STPG2: variants seen among roughly 807,000 people sequenced by gnomAD.
STPG2 encodes sperm-tail PG-rich repeat-containing protein 2.
Under a neutral mutation model 54.2 loss-of-function variants are expected in STPG2, and 56 were observed. The observed-to-expected ratio is 1.03, with a 90% confidence interval of 0.83 to 1.29. STPG2 has a LOEUF of 1.29. Ranked by LOEUF, STPG2 falls within the 50% of genes most tolerant of loss-of-function variation. The pLI is 0.00. For missense variants in STPG2, 596 were observed against 544.9 expected (o/e 1.09, Z -0.93); for synonymous variants, 200 against 181.8 (o/e 1.10, Z -0.81).
chr4:97,995,638 T>C (rs910423185), intron 5 of STPG2, among the ~76,000 whole-genome samples: 4 of 151,986 alleles, frequency 2.6e-5, no homozygotes, highest in African/African-American at 9.7e-5. Context: ...GGGAAGGCAC[T>C]AAAAATGAAC....
chr4:97,902,920 T>C (rs548417478), intron 8 of STPG2, among the ~76,000 whole-genome samples: 32 of 152,164 alleles, frequency 2.1e-4, no homozygotes, highest in Middle Eastern at 3.4e-3. Context: ...GATGAACAGA[T>C]AGAGAAAATG....
chr4:97,801,672 C>T (rs1185838273), intron 9 of STPG2, among the ~76,000 whole-genome samples: 1 of 152,090 alleles, frequency 6.6e-6, no homozygotes, highest in East Asian at 1.9e-4. Context: ...CTTTCTTCTT[C>T]CCCATAATAT....
chr4:97,548,195 ACTC>A (rs960576658), intron 4 of STPG2, among the ~76,000 whole-genome samples: 1 of 151,894 alleles, frequency 6.6e-6, no homozygotes, highest in Non-Finnish European at 1.5e-5. Context: ...GTCTGCACAG[ACTC>A]CTCGTGAAAA....
At chr4:97,849,455 A>C (rs1031360360) in intron 8 of STPG2, among the ~76,000 whole-genome samples, 6 of 152,074 alleles carry the variant, frequency 3.9e-5, no homozygotes, top group Non-Finnish European at 8.8e-5. Flanking sequence ...CTGCACAGTG[A>C]AAGAAACTAC....
intron 9 of STPG2, among the ~76,000 whole-genome samples, chr4:97,797,550 A>T (rs1046372075): frequency 6.6e-6 from 1 of 152,094 alleles, no homozygotes; most frequent in Non-Finnish European, 1.5e-5. Context: ...ACTTGATCAC[A>T]GTGGATAAAC....
chr4:98,121,456 T>C (rs899072004), intron 3 of STPG2, among the ~76,000 whole-genome samples: 2 of 150,746 alleles, frequency 1.3e-5, no homozygotes, highest in Non-Finnish European at 3.0e-5. Context: ...AAAATAGCAT[T>C]GAATCTATAA....
chr4:97,622,854 C>T (rs1734047314), intron 10 of STPG2, among the ~76,000 whole-genome samples: 1 of 152,114 alleles, frequency 6.6e-6, no homozygotes, highest in South Asian at 2.1e-4. Flanking sequence ...CATCACATTA[C>T]CTGACTTCAA....
intron 5 of STPG2, chr4:98,026,353 C>T (rs778161854): frequency 1.7e-4 from 80 of 465,286 alleles, no homozygotes; most frequent in Non-Finnish European, 2.5e-4. Context: ...TGTTAGTTAC[C>T]GATTTATTCC....
rs184233196 is a variant in STPG2, at chr4:97,776,170, C to T, written c.1205-63356G>A. Among the ~76,000 whole-genome samples the T allele has an allele frequency of 5.5e-4, 83 of 152,236 alleles. 1 individual carries two copies. Among genetic ancestry groups the T allele is most frequent in the Admixed American group, 3.7e-3 (57 of 15,282 alleles). ...AAAGGAATTAACTATATTCATTTTA[C>T]ATGTATGTATATACACATAAATTGT... On this transcript the variant is annotated intron_variant, in intron 9 of 10. Transcript: ENST00000295268.
intron 5 of STPG2, among the ~76,000 whole-genome samples, chr4:98,041,645 G>T (rs1166273564): frequency 6.6e-6 from 1 of 151,824 alleles, no homozygotes; most frequent in Non-Finnish European, 1.5e-5. Context: ...TTATTGATAT[G>T]TATATGTTGA....
intron 4 of STPG2, among the ~76,000 whole-genome samples, chr4:97,542,199 A>G (rs1333381319): frequency 6.6e-6 from 1 of 152,208 alleles, no homozygotes; most frequent in African/African-American, 2.4e-5. Context: ...AGAATGGGAG[A>G]AAATTTTTGC....
chr4:98,016,260 T>C (rs904569550), intron 5 of STPG2, among the ~76,000 whole-genome samples: 4 of 152,208 alleles, frequency 2.6e-5, no homozygotes, highest in Non-Finnish European at 5.9e-5. Context: ...CATTTGTGTT[T>C]AATCTATTTT....
chr4:97,984,860 C>T (rs536603480), intron 5 of STPG2, among the ~76,000 whole-genome samples: 1 of 152,072 alleles, frequency 6.6e-6, no homozygotes, highest in Non-Finnish European at 1.5e-5. Flanking sequence ...TTGCAAAACT[C>T]CTGGAAACTT....
At chr4:97,966,357 A>T in intron 7 of STPG2, among the ~76,000 whole-genome samples, 1 of 152,226 alleles carries the variant, frequency 6.6e-6, no homozygotes, top group East Asian at 1.9e-4. Context: ...AAAACCTCTA[A>T]GAAATATGGG....
intron 3 of STPG2, among the ~76,000 whole-genome samples, chr4:98,121,445 G>T (rs1158015470): frequency 6.6e-6 from 1 of 151,922 alleles, no homozygotes; most frequent in African/African-American, 2.4e-5. Context: ...GTAGTTTAAA[G>T]AAAATAGCAT....
At chr4:97,830,073 CA>C (rs1289205389) in intron 9 of STPG2, among the ~76,000 whole-genome samples, 1 of 152,084 alleles carries the variant, frequency 6.6e-6, no homozygotes, top group Non-Finnish European at 1.5e-5. Flanking sequence ...ACATAATCCT[CA>C]GATTCACCAA....
chr4:97,868,298 A>G (rs1729865318), intron 8 of STPG2, among the ~76,000 whole-genome samples: 1 of 151,916 alleles, frequency 6.6e-6, no homozygotes, highest in Non-Finnish European at 1.5e-5. Flanking sequence ...CATTGATATT[A>G]TAATTTTGAT....
intron 9 of STPG2, among the ~76,000 whole-genome samples, chr4:97,732,968 T>C (rs559884811): frequency 2.6e-5 from 4 of 152,274 alleles, no homozygotes; most frequent in South Asian, 4.1e-4. Flanking sequence ...GAAAAGGGAA[T>C]GCTTATACAC....
intron 4 of STPG2, among the ~76,000 whole-genome samples, chr4:97,453,417 G>A (rs1009727442): frequency 6.6e-6 from 1 of 152,322 alleles, no homozygotes; most frequent in African/African-American, 2.4e-5. Flanking sequence ...AGTAGAGTGA[G>A]CTGGGCACAG....
Sources: allele counts gnomAD v4.1 joint callset (sites outside exome capture counted in the v4.1 genomes callset), GRCh38; gene constraint gnomAD v4.1.1; transcripts MANE v1.5; gene names NCBI Gene and HGNC (gene_info 2026-07-23, HGNC 2026-07-21).